Variants in PSMF1 observed in about 807,000 individuals in gnomAD.
PSMF1 encodes the protein proteasome inhibitor subunit 1, also known as proteasome inhibitor PI31 subunit.
PSMF1 carries 30 observed loss-of-function variants against 29.3 expected under a neutral mutation model. That is an observed-to-expected ratio of 1.02 (90% CI 0.77 to 1.39). The LOEUF (loss-of-function observed/expected upper bound fraction) is 1.39. PSMF1 is among the 40% of genes most tolerant of loss of function. The probability of loss-of-function intolerance (pLI) is 0.00; values close to 1 mark genes in which losing one functional copy is unlikely to be tolerated. For missense variants in PSMF1, 344 were observed against 357.5 expected (o/e 0.96, Z 0.31); for synonymous variants, 134 against 139.7 (o/e 0.96, Z 0.29).
rs2086700046 is a variant in PSMF1 at position 1,164,196 on chromosome 20, G to A, written c.606-122G>A. On this transcript the variant is annotated intron_variant, in intron 5 of 6. Coordinates refer to ENST00000335877, the MANE Select transcript of PSMF1 (RefSeq NM_006814.5). This position sits in a 1 kb window ranked among gnomAD's most constrained non-coding sequence, Gnocchi z 4.1. ...CTGGCTCTCAGGCAGCCATCCACAT[G>A]TCTGCTTGGGCCATCCAGAGTAGAC... 9.6e-7 allele frequency: 1 copy of A among 1,036,570 alleles called. No individual in the cohort carries two copies. The highest frequency in any genetic ancestry group is 1.6e-5 in the African/African-American group (1 of 63,576). The allele number at this position is 1,036,570 out of a possible 1,614,324, so 64.2% of individuals were successfully genotyped here. A position where few individuals can be genotyped will look rare whatever the true frequency, so the allele number is the denominator to read the frequency against.
intron 4 of PSMF1, among the ~76,000 whole-genome samples, chr20:1,138,518 C>CAAA (rs34220986): frequency 1.2e-4 from 12 of 97,754 alleles, no homozygotes; most frequent in South Asian, 3.5e-4. Flanking sequence ...GACTGCATCT[C>CAAA]AAAAAAAAAA....
chr20:1,121,269 T>C (rs2086083618), intron 1 of PSMF1, among the ~76,000 whole-genome samples: 1 of 152,094 alleles, frequency 6.6e-6, no homozygotes, highest in South Asian at 2.1e-4. Context: ...CCCAGGAGCC[T>C]GGGGAATTAG....
At chr20:1,147,135 TATCATCATC>T (rs112288654) in intron 4 of PSMF1, among the ~76,000 whole-genome samples, 53 of 146,752 alleles carry the variant, frequency 3.6e-4, no homozygotes, top group Non-Finnish European at 5.6e-4. Context: ...TTGTTTCCGT[TATCATCATC>T]ATCATCATCA....
chr20:1,118,868 C>G lies in PSMF1; in HGVS notation c.95C>G (p.Thr32Arg). 1 of 1,614,138 alleles carries G rather than the reference C, an allele frequency of 6.2e-7. No homozygotes were observed. The highest frequency in any genetic ancestry group is 8.5e-7 in the Non-Finnish European group (1 of 1,179,960). ...LVCFLHWEVV[T>R]HGYFGLGVGD... Reference sequence around the variant, plus strand: ...TGCTTCTTGCATTGGGAAGTGGTGACACACGGTTACTTCGGCTTGGGTGTC... The same window carrying G: ...TGCTTCTTGCATTGGGAAGTGGTGAGACACGGTTACTTCGGCTTGGGTGTC... Residue 32 changes from threonine to arginine, a missense_variant, in exon 1 of 7, where the codon ACA becomes AGA. Physicochemically the swap from Thr to Arg is moderately conservative, Grantham distance 71 (BLOSUM62 -1). Transcript: ENST00000335877.
At chr20:1,140,095 G>A (rs1226966290) in intron 4 of PSMF1, among the ~76,000 whole-genome samples, 2 of 152,132 alleles carry the variant, frequency 1.3e-5, no homozygotes, top group Non-Finnish European at 2.9e-5. Context: ...CCCAGAAATT[G>A]GCAAGCTGAT....
At chr20:1,146,483 C>G (rs1221195793) in intron 4 of PSMF1, among the ~76,000 whole-genome samples, 3 of 152,176 alleles carry the variant, frequency 2.0e-5, no homozygotes, top group Admixed American at 2.0e-4. Context: ...GTACACGAAT[C>G]TCCCTGTGGA....
At chr20:1,114,058 A>G (rs965638952), upstream of PSMF1, among the ~76,000 whole-genome samples, 3 of 152,178 alleles carry the variant, frequency 2.0e-5, no homozygotes, top group Admixed American at 6.5e-5. Flanking sequence ...AGCAGATCGC[A>G]CTACAACACC....
At position 1,118,716 on chromosome 20, in the gene PSMF1, G is replaced by A. The variant is rs547957206; in HGVS notation, c.-58G>A. 1.9e-6 allele frequency: 3 copies of A among 1,557,858 alleles called. No homozygotes were observed. Among genetic ancestry groups the A allele is most frequent in the South Asian group, 1.2e-5 (1 of 86,254 alleles). On this transcript the variant is annotated 5_prime_UTR_variant, in exon 1 of 7. Coordinates refer to ENST00000335877, the MANE Select transcript of PSMF1 (RefSeq NM_006814.5). The stretch of plus-strand genomic sequence containing the variant: ...TATAGCTACCCCGGCCGCGGAGCCG[G>A]CTCACTGCACTACCCCCGCCCCCTT...
At chr20:1,151,106 G>A (rs149255870) in intron 4 of PSMF1, among the ~76,000 whole-genome samples, 29 of 151,782 alleles carry the variant, frequency 1.9e-4, no homozygotes, top group African/African-American at 4.6e-4. Flanking sequence ...CATTCCTTTC[G>A]CCTTGGAGTC....
chr20:1,164,879 C>A lies in PSMF1; in HGVS notation c.765-150C>A, dbSNP rs1260932703. 6.8e-6 allele frequency: 5 copies of A among 734,100 alleles called. No individual in the cohort carries two copies. The highest frequency in any genetic ancestry group is 2.5e-5 in the East Asian group (1 of 39,634). 45.5% of individuals were successfully genotyped at this position (734,100 alleles called of 1,614,324 possible). ...AGCGGGGGAGTCAGGATTCAAACCC[C>A]GGTTGTCTGGCTCTTGAGTGCATGT... is the stretch of plus-strand genomic sequence containing the variant. On this transcript the variant is annotated intron_variant, in intron 6 of 6. Transcript: ENST00000335877. This position sits in a 1 kb window ranked among gnomAD's most constrained non-coding sequence, Gnocchi z 4.1.
intron 4 of PSMF1, among the ~76,000 whole-genome samples, chr20:1,152,069 G>A (rs574441097): frequency 1.2e-4 from 18 of 152,252 alleles, no homozygotes; most frequent in African/African-American, 2.9e-4. Flanking sequence ...GGTTAACCAC[G>A]GATTTTTTTT....
At position 1,163,148 on chromosome 20, in the gene PSMF1, G is replaced by A. The variant is rs536850863; in HGVS notation, c.570G>A (p.Pro190=). 3.1e-5 allele frequency: 50 copies of A among 1,614,186 alleles called. No homozygotes were observed. The highest frequency in any genetic ancestry group is 2.2e-4 in the South Asian group (20 of 91,072). ...RQPPWCDPLG[P]FVVGGEDLDP... is the part of the protein sequence containing the mutation. Reference sequence around the variant, plus strand: ...GTTTCAGGTGTGATCCCCTGGGCCCGTTTGTTGTCGGGGGAGAAGACTTAG... The same window carrying A: ...GTTTCAGGTGTGATCCCCTGGGCCCATTTGTTGTCGGGGGAGAAGACTTAG... Residue 190 remains proline, a synonymous_variant, in exon 5 of 7, where the codon CCG becomes CCA. Coordinates refer to ENST00000335877, the MANE Select transcript of PSMF1 (RefSeq NM_006814.5). The surrounding 1 kb of genome is among the most constrained non-coding windows in gnomAD (Gnocchi z 6.1).
intron 3 of PSMF1, among the ~76,000 whole-genome samples, chr20:1,131,417 A>C (rs1220504256): frequency 6.6e-6 from 1 of 152,234 alleles, no homozygotes; most frequent in Non-Finnish European, 1.5e-5. Flanking sequence ...GTACTACCTC[A>C]GGGTTTTTCT....
rs531665544 is a variant in PSMF1 at position 1,155,973 on chromosome 20, T to A, written c.552-7157T>A. On this transcript the variant is annotated intron_variant, in intron 4 of 6. Coordinates refer to ENST00000335877, the MANE Select transcript of PSMF1 (RefSeq NM_006814.5). ...TAAGATGACACAGATGTTGGAATTA[T>A]TTGACAGGCTTTAAAGTGGCTATTA... Among the ~76,000 whole-genome samples, 133 of 152,330 alleles carry A rather than the reference T, an allele frequency of 8.7e-4. 2 individuals carry two copies. In the South Asian group the frequency reaches 0.014, roughly 16 times the overall value.
chr20:1,119,699 C>G (rs571232385), intron 1 of PSMF1, among the ~76,000 whole-genome samples: 5 of 152,202 alleles, frequency 3.3e-5, no homozygotes, highest in Non-Finnish European at 7.3e-5. Flanking sequence ...ACCCACCTCA[C>G]TAATTCTTTG....
At chr20:1,122,174 A>T (rs2086095876) in intron 1 of PSMF1, among the ~76,000 whole-genome samples, 1 of 152,166 alleles carries the variant, frequency 6.6e-6, no homozygotes, top group South Asian at 2.1e-4. Flanking sequence ...CTCTAGCCAT[A>T]GCCTGGGCAA....
chr20:1,161,030 G>T, intron 4 of PSMF1: 1 of 398,316 alleles, frequency 2.5e-6, no homozygotes. Context: ...CACTGGCATT[G>T]TCATGGATTC....
In PSMF1 at chr20:1,169,695, A is replaced by G. The variant is rs2086770541; in HGVS notation, c.*4615A>G. On this transcript the variant is annotated 3_prime_UTR_variant, in exon 7 of 7. Transcript: ENST00000335877. ...ACAGCAGCTGCCTATATCTGCACCAAAAAGTAGATGTCCTTCACACTGCCA... is the reference window on the plus strand; with the variant it reads ...ACAGCAGCTGCCTATATCTGCACCAGAAAGTAGATGTCCTTCACACTGCCA... Among the ~76,000 whole-genome samples the G allele has an allele frequency of 6.6e-6, 1 of 152,206 alleles. No homozygotes were observed. The highest frequency in any genetic ancestry group is 1.5e-5 in the Non-Finnish European group (1 of 68,030).
upstream of PSMF1, among the ~76,000 whole-genome samples, chr20:1,117,270 G>A: frequency 6.6e-6 from 1 of 152,190 alleles, no homozygotes; most frequent in South Asian, 2.1e-4. Flanking sequence ...GCAGACCATG[G>A]GGAGGACTTT....
Sources: gnomAD v4.1 joint callset for allele counts (sites outside exome capture counted in the v4.1 genomes callset) on GRCh38, gnomAD v4.1.1 for gene constraint, Gnocchi (gnomAD v3.1) non-coding constraint, MANE v1.5 for transcripts, NCBI Gene and HGNC (gene_info 2026-07-23, HGNC 2026-07-21) for gene names.